ZFAND3: variants seen among roughly 807,000 people sequenced by gnomAD.
ZFAND3 encodes the protein AN1-type zinc finger protein 3.
In ZFAND3, 10 loss-of-function variants were observed where a neutral mutation model predicts 29.6. The ratio of observed to expected loss-of-function variants is 0.34; its 90% CI spans 0.21 to 0.57. The LOEUF (loss-of-function observed/expected upper bound fraction) is 0.57. Ranked by LOEUF, ZFAND3 falls within the 20% of genes least tolerant of loss-of-function variation. The pLI, the probability that ZFAND3 is intolerant of heterozygous loss-of-function variation, is 0.86. For synonymous variants in ZFAND3, 128 were observed against 112.6 expected (o/e 1.14, Z -0.87); for missense variants, 230 against 304.5 (o/e 0.76, Z 1.82).
At chr6:38,009,024 A>G (rs1358921741) in intron 2 of ZFAND3, among the ~76,000 whole-genome samples, 2 of 152,218 alleles carry the variant, frequency 1.3e-5, no homozygotes, top group African/African-American at 2.4e-5. Flanking sequence ...CTCCTATACT[A>G]AAATTGGTTG....
intron 1 of ZFAND3, among the ~76,000 whole-genome samples, chr6:37,863,325 A>G (rs1764527971): frequency 6.6e-6 from 1 of 152,250 alleles, no homozygotes; most frequent in Admixed American, 6.5e-5. Context: ...AAACTAGTAA[A>G]TTGCCAGACT....
chr6:37,884,172 C>A (rs1764947784), intron 1 of ZFAND3, among the ~76,000 whole-genome samples: 1 of 145,056 alleles, frequency 6.9e-6, no homozygotes, highest in Admixed American at 6.7e-5. Context: ...ATGAAATATA[C>A]CTTGATTCAG....
intron 2 of ZFAND3, among the ~76,000 whole-genome samples, chr6:38,010,529 T>C (rs183730494): frequency 6.6e-6 from 1 of 152,280 alleles, no homozygotes; most frequent in East Asian, 1.9e-4. Context: ...GTTAAGTCTT[T>C]TCATGCCCTG....
At chr6:37,841,649 A>AT (rs2076892446) in intron 1 of ZFAND3, among the ~76,000 whole-genome samples, 2 of 151,824 alleles carry the variant, frequency 1.3e-5, no homozygotes, top group Admixed American at 1.3e-4. Flanking sequence ...TGCCCGGCTA[A>AT]TTTTTTTGTA....
intron 1 of ZFAND3, among the ~76,000 whole-genome samples, chr6:37,826,648 G>T (rs1763765992): frequency 6.6e-6 from 1 of 151,988 alleles, no homozygotes; most frequent in Admixed American, 6.6e-5. Context: ...AGCTACTTGG[G>T]AGGCTGAGGC....
At chr6:38,057,632 A>G (rs1429867149) in intron 2 of ZFAND3, among the ~76,000 whole-genome samples, 1 of 152,210 alleles carries the variant, frequency 6.6e-6, no homozygotes, top group African/African-American at 2.4e-5. Context: ...CTATATGCCC[A>G]GTAAATAGCC....
At chr6:37,968,865 C>A (rs925071369) in intron 2 of ZFAND3, among the ~76,000 whole-genome samples, 1 of 152,180 alleles carries the variant, frequency 6.6e-6, no homozygotes, top group Non-Finnish European at 1.5e-5. Context: ...CCGAGTGTGT[C>A]CAGTAATCTG....
intron 1 of ZFAND3, among the ~76,000 whole-genome samples, chr6:37,907,075 T>C (rs1299748395): frequency 2.0e-5 from 3 of 151,960 alleles, no homozygotes; most frequent in Non-Finnish European, 4.4e-5. Context: ...AGAAATGAAA[T>C]TGTTTTAATT....
At chr6:37,977,828 T>TTTTCTTCCTTCCTTCCTTCCTTACTTCC (rs70981515) in intron 2 of ZFAND3, among the ~76,000 whole-genome samples, 1 of 76,420 alleles carries the variant, frequency 1.3e-5, no homozygotes, top group Non-Finnish European at 2.6e-5. Context: ...GTAAAATGCT[T>TTTTCTTCCTTCCTTCCTTCCTTACTTCC]TTCCTTCCTT....
chr6:37,937,012 G>A lies in ZFAND3; in HGVS notation c.112+7013G>A, dbSNP rs559740029. On this transcript the variant is annotated intron_variant, in intron 2 of 5. Coordinates refer to ENST00000287218, the MANE Select transcript of ZFAND3 (RefSeq NM_021943.3). The stretch of plus-strand genomic sequence containing the variant: ...ATAACAAATTCCCATTTCATACCAA[G>A]TAAATTAAAATATTTCCTTATGAAC... Among the ~76,000 whole-genome samples, 66 of 152,292 alleles carry A rather than the reference G, an allele frequency of 4.3e-4. 2 individuals carry two copies. In the South Asian group the frequency reaches 0.013, roughly 31 times the overall value.
intron 2 of ZFAND3, among the ~76,000 whole-genome samples, chr6:37,935,601 A>G (rs1054878749): frequency 6.6e-6 from 1 of 152,218 alleles, no homozygotes; most frequent in Non-Finnish European, 1.5e-5. Flanking sequence ...TGTATTGCAC[A>G]TAGTAAAGTT....
At position 38,136,381 on chromosome 6, in the gene ZFAND3, G is replaced by A. The variant is rs73421869; in HGVS notation, c.530-15854G>A. Among the ~76,000 whole-genome samples, 598 of 152,320 alleles carry A rather than the reference G, an allele frequency of 3.9e-3. 2 individuals carry two copies. The highest frequency in any genetic ancestry group is 5.4e-3 in the African/African-American group (223 of 41,564). ...ATGCTAAAATGTACAGTGCCTGGGT[G>A]GGTGACCGGAAGACAGATGACTCTG... On this transcript the variant is annotated intron_variant, in intron 5 of 5. Transcript: ENST00000287218.
chr6:37,979,257 A>T (rs1199656289), intron 2 of ZFAND3, among the ~76,000 whole-genome samples: 1 of 152,164 alleles, frequency 6.6e-6, no homozygotes, highest in Non-Finnish European at 1.5e-5. Context: ...CATCTCTGCT[A>T]ATTTCAACAC....
At position 37,819,845 on chromosome 6, in the gene ZFAND3, C is replaced by A; in HGVS notation, c.-101C>A. 1 of 789,374 alleles carries A rather than the reference C, an allele frequency of 1.3e-6. No individual in the cohort carries two copies. Among genetic ancestry groups the A allele is most frequent in the Non-Finnish European group, 1.6e-6 (1 of 620,262 alleles). The allele number at this position is 789,374 out of a possible 1,614,324, so 48.9% of individuals were successfully genotyped here. On this transcript the variant is annotated 5_prime_UTR_variant, in exon 1 of 6. Transcript: ENST00000287218. ...GCCCGCTCCTTCCCCCTCCCCCCGC[C>A]CCGAGCCCCCCGACGCCGCCGCCAC...
chr6:37,835,470 T>TG (rs921711610), intron 1 of ZFAND3, among the ~76,000 whole-genome samples: 2 of 151,932 alleles, frequency 1.3e-5, no homozygotes, highest in African/African-American at 4.8e-5. Flanking sequence ...AAGAGTTTTT[T>TG]TTTTTTTTTT....
intron 2 of ZFAND3, among the ~76,000 whole-genome samples, chr6:37,992,744 C>G (rs13199458): frequency 1.5e-3 from 230 of 152,228 alleles, no homozygotes; most frequent in Non-Finnish European, 2.8e-3. Context: ...TAAAATTAAT[C>G]CAAGATTAGG....
intron 4 of ZFAND3, among the ~76,000 whole-genome samples, chr6:38,098,302 G>A (rs376368954): frequency 2.6e-5 from 4 of 151,994 alleles, no homozygotes; most frequent in East Asian, 3.9e-4. Context: ...GCATGCCACC[G>A]TCCCCGGCTA....
At chr6:37,843,393 G>A (rs1356940569) in intron 1 of ZFAND3, among the ~76,000 whole-genome samples, 15 of 150,434 alleles carry the variant, frequency 1.0e-4, no homozygotes, top group African/African-American at 3.7e-4. Context: ...AGGCTGAGGC[G>A]GGAGAATGGC....
At chr6:38,013,857 A>G (rs947106008) in intron 2 of ZFAND3, among the ~76,000 whole-genome samples, 6 of 152,230 alleles carry the variant, frequency 3.9e-5, no homozygotes, top group African/African-American at 1.4e-4. Flanking sequence ...ATGTTCAGCA[A>G]AAGTTAATGA....
Sources: gnomAD v4.1 joint callset for allele counts (sites outside exome capture counted in the v4.1 genomes callset) on GRCh38, gnomAD v4.1.1 for gene constraint, MANE v1.5 for transcripts, NCBI Gene and HGNC (gene_info 2026-07-23, HGNC 2026-07-21) for gene names.